The following DDAH1 variants were observed in gnomAD, a reference collection of about 807,000 sequenced individuals.
DDAH1 encodes dimethylarginine dimethylaminohydrolase 1, also known as N(G),N(G)-dimethylarginine dimethylaminohydrolase 1.
In DDAH1, 19 loss-of-function variants were observed where a neutral mutation model predicts 28.8. The observed-to-expected ratio is 0.66, with a 90% CI of 0.46 to 0.97. DDAH1 has a LOEUF of 0.97. DDAH1 is among the 50% of genes least tolerant of loss of function. The pLI, the probability that DDAH1 is intolerant of heterozygous loss-of-function variation, is 0.00. For synonymous variants in DDAH1, 153 were observed against 154.4 expected (o/e 0.99, Z 0.07); for missense variants, 326 against 375.9 (o/e 0.87, Z 1.10).
In DDAH1 at chr1:85,524,360, G is replaced by A. The variant is rs557930659; in HGVS notation, c.-122-28079C>T. 3.1e-3 allele frequency among the ~76,000 whole-genome samples: 462 copies of A among 148,088 alleles called. 2 individuals are homozygous for A. The highest frequency in any genetic ancestry group is 0.01 in the Middle Eastern group (3 of 294). Reference sequence around the variant, plus strand: ...GGAAAAACTTCATGGAAGTGGAGGCGTTTGAATAGGACCTTAAAAAAAACA... The same window carrying A: ...GGAAAAACTTCATGGAAGTGGAGGCATTTGAATAGGACCTTAAAAAAAACA... On this transcript the variant is annotated intron_variant, in intron 1 of 6. Coordinates refer to the DDAH1 transcript ENST00000426972.
At chr1:85,380,932 T>C (rs1308735598) in intron 1 of DDAH1, among the ~76,000 whole-genome samples, 1 of 152,126 alleles carries the variant, frequency 6.6e-6, no homozygotes, top group Non-Finnish European at 1.5e-5. Flanking sequence ...GAGAAGAAAC[T>C]ATAGACCTGA....
intron 1 of DDAH1, among the ~76,000 whole-genome samples, chr1:85,404,970 C>T (rs981737384): frequency 1.3e-5 from 2 of 152,140 alleles, no homozygotes; most frequent in Non-Finnish European, 2.9e-5. Context: ...CTCTACAATC[C>T]GCCCTAGAAA....
chr1:85,402,258 C>G (rs776569303), intron 1 of DDAH1, among the ~76,000 whole-genome samples: 2 of 148,954 alleles, frequency 1.3e-5, no homozygotes, highest in Non-Finnish European at 3.0e-5. Context: ...GCCTTGGCCT[C>G]TGAAAGTGCT....
chr1:85,532,896 C>A (rs1344844120), intron 1 of DDAH1, among the ~76,000 whole-genome samples: 2 of 152,242 alleles, frequency 1.3e-5, no homozygotes, highest in Non-Finnish European at 2.9e-5. Flanking sequence ...AGAGGGGAAA[C>A]CCTAAAACCT....
At chr1:85,473,482 T>C (rs1242563854) in intron 2 of DDAH1, among the ~76,000 whole-genome samples, 1 of 152,014 alleles carries the variant, frequency 6.6e-6, no homozygotes, top group Admixed American at 6.6e-5. Flanking sequence ...TGTATATGTA[T>C]GTGTACACAC....
At chr1:85,554,782 T>C (rs562755755) in intron 1 of DDAH1, among the ~76,000 whole-genome samples, 17 of 152,230 alleles carry the variant, frequency 1.1e-4, no homozygotes, top group Non-Finnish European at 1.5e-4. Flanking sequence ...GGGCTGTGAT[T>C]AGTGCACTGT....
At chr1:85,398,310 G>A (rs990715385) in intron 1 of DDAH1, 1 of 152,196 alleles carries the variant, frequency 6.6e-6, no homozygotes, top group African/African-American at 2.4e-5. Flanking sequence ...AGTTTAATGA[G>A]ACGAAACTTA....
At chr1:85,339,922 T>A (rs545759766) in intron 4 of DDAH1, among the ~76,000 whole-genome samples, 3 of 152,150 alleles carry the variant, frequency 2.0e-5, no homozygotes, top group Non-Finnish European at 2.9e-5. Flanking sequence ...GACTATCACA[T>A]AGGTCATGCT....
chr1:85,508,159 G>A (rs756410946), intron 1 of DDAH1, among the ~76,000 whole-genome samples: 5 of 152,302 alleles, frequency 3.3e-5, no homozygotes, highest in South Asian at 4.2e-4. Flanking sequence ...CTTTGTAACC[G>A]TGTGAATAAC....
At chr1:85,337,456 AT>A (rs35496019) in intron 4 of DDAH1, among the ~76,000 whole-genome samples, 2,672 of 144,850 alleles carry the variant, frequency 0.018, 48 homozygotes, top group African/African-American at 0.056. Flanking sequence ...AATAAAACTA[AT>A]TTTTTTTTTT....
At chr1:85,475,500 C>A (rs1655766464) in intron 2 of DDAH1, among the ~76,000 whole-genome samples, 1 of 152,194 alleles carries the variant, frequency 6.6e-6, no homozygotes, top group Non-Finnish European at 1.5e-5. Flanking sequence ...CCAACTTCCC[C>A]TGCTGAATGG....
intron 1 of DDAH1, among the ~76,000 whole-genome samples, chr1:85,562,824 A>G (rs1040983511): frequency 2.0e-5 from 3 of 152,176 alleles, no homozygotes; most frequent in African/African-American, 4.8e-5. Flanking sequence ...GTTTTAAGCC[A>G]CCCAGTTTAC....
intron 1 of DDAH1, among the ~76,000 whole-genome samples, chr1:85,520,909 C>T (rs553339237): frequency 7.2e-5 from 11 of 152,226 alleles, no homozygotes; most frequent in African/African-American, 2.6e-4. Context: ...TTCGCTGGCT[C>T]CACAGTAAAA....
At chr1:85,480,632 C>G (rs571844335) in intron 2 of DDAH1, among the ~76,000 whole-genome samples, 1 of 152,202 alleles carries the variant, frequency 6.6e-6, no homozygotes, top group East Asian at 1.9e-4. Flanking sequence ...GTAATCCCAG[C>G]TACTCAGGGG....
At chr1:85,507,230 C>T (rs182919381) in intron 1 of DDAH1, among the ~76,000 whole-genome samples, 25 of 152,222 alleles carry the variant, frequency 1.6e-4, no homozygotes, top group Admixed American at 5.2e-4. Flanking sequence ...ATAGGACAGA[C>T]GCAGTGGCTC....
chr1:85,451,489 T>C (rs561916874), intron 1 of DDAH1, among the ~76,000 whole-genome samples: 124 of 152,188 alleles, frequency 8.1e-4, no homozygotes, highest in African/African-American at 3.0e-3. Flanking sequence ...CTACAGATGA[T>C]GAAAGTGATG....
chr1:85,491,141 G>A (rs1235336972), intron 2 of DDAH1, among the ~76,000 whole-genome samples: 1 of 149,454 alleles, frequency 6.7e-6, no homozygotes, highest in African/African-American at 2.5e-5. Flanking sequence ...CTGCCTCCCA[G>A]GCTCAAATGA....
chr1:85,514,206 A>G (rs1391786522), intron 1 of DDAH1, among the ~76,000 whole-genome samples: 2 of 152,208 alleles, frequency 1.3e-5, no homozygotes, highest in African/African-American at 4.8e-5. Context: ...ATGCAGCCAT[A>G]AAAAAGGATG....
chr1:85,322,533 A>T (rs1661395268), intron 5 of DDAH1, among the ~76,000 whole-genome samples: 1 of 152,252 alleles, frequency 6.6e-6, no homozygotes, highest in African/African-American at 2.4e-5. Flanking sequence ...CTTAAAATTC[A>T]GCACAGTGGT....
Sources: allele counts gnomAD v4.1 joint callset (sites outside exome capture counted in the v4.1 genomes callset), GRCh38; gene constraint gnomAD v4.1.1; transcripts MANE v1.5; gene names NCBI Gene and HGNC (gene_info 2026-07-23, HGNC 2026-07-21).